MPRIP: variants seen among roughly 807,000 people sequenced by gnomAD.
MPRIP encodes the protein myosin phosphatase Rho-interacting protein.
Under a neutral mutation model 234.9 loss-of-function variants are expected in MPRIP, and 59 were observed. That is an observed-to-expected ratio of 0.25 (90% CI 0.20 to 0.31). The LOEUF is 0.31. MPRIP is among the 10% of genes least tolerant of loss of function. MPRIP has a pLI of 1.00. For missense variants in MPRIP, 2,436 were observed against 3,071.0 expected, an observed-to-expected ratio of 0.79 and a Z score of 4.89; for synonymous variants, 1,144 against 1,263.9, an observed-to-expected ratio of 0.91 and a Z score of 2.01.
At chr17:17,060,015 G>A (rs1478018993) in intron 1 of MPRIP, among the ~76,000 whole-genome samples, 1 of 152,204 alleles carries the variant, frequency 6.6e-6, no homozygotes, top group Non-Finnish European at 1.5e-5. Flanking sequence ...TGGGGTGGGT[G>A]GAGGTGGTAG....
At chr17:17,119,596 C>T (rs1451540543) in intron 3 of MPRIP, among the ~76,000 whole-genome samples, 1 of 152,184 alleles carries the variant, frequency 6.6e-6, no homozygotes, top group Non-Finnish European at 1.5e-5. Context: ...AAGCTGTCAT[C>T]AGTACCTGTA....
At position 17,102,312 on chromosome 17, in the gene MPRIP, C is replaced by T. The variant is rs1177815417; in HGVS notation, c.267+24236C>T. Among the ~76,000 whole-genome samples the T allele has an allele frequency of 2.6e-5, 4 of 152,336 alleles. No individual in the cohort carries two copies. In the East Asian group the frequency reaches 7.7e-4, roughly 29 times the overall value. On this transcript the variant is annotated intron_variant, in intron 3 of 23. Coordinates refer to ENST00000651222, the MANE Select transcript of MPRIP (RefSeq NM_001364716.4). ...ACAAGGCCCTTGCCTCTCCTTTGGC[C>T]TACATGAGCACCTGCCTTGTACTCT...
chr17:17,135,347 T>A (rs1325393652), intron 5 of MPRIP, among the ~76,000 whole-genome samples: 1 of 152,236 alleles, frequency 6.6e-6, no homozygotes, highest in Non-Finnish European at 1.5e-5. Flanking sequence ...TCTGGGCTAC[T>A]GGCTTGTATC....
chr17:17,174,242 C>T (rs2046206539), intron 19 of MPRIP, among the ~76,000 whole-genome samples, 167 bp downstream of exon 19: 1 of 152,272 alleles, frequency 6.6e-6, no homozygotes, highest in African/African-American at 2.4e-5. Flanking sequence ...TTCTCCCTGC[C>T]ACCCAGCGTG....
intron 3 of MPRIP, among the ~76,000 whole-genome samples, chr17:17,079,068 G>C (rs2089401926): frequency 6.6e-6 from 1 of 152,182 alleles, no homozygotes; most frequent in Admixed American, 6.5e-5. Flanking sequence ...ACTGCGGCAG[G>C]GGGTGGCGGG....
intron 1 of MPRIP, among the ~76,000 whole-genome samples, chr17:17,049,406 A>T (rs2088459678): frequency 6.6e-6 from 1 of 152,224 alleles, no homozygotes; most frequent in African/African-American, 2.4e-5. Flanking sequence ...CAAAATTATA[A>T]GTCAGGGACT....
At chr17:17,176,644 C>A in intron 21 of MPRIP, 132 bp downstream of exon 21, 1 of 707,882 alleles carries the variant, frequency 1.4e-6, no homozygotes, top group Non-Finnish European at 2.4e-6. Context: ...AGGAGGTTTC[C>A]AAAATCAAGC....
At chr17:17,090,035 G>A (rs967348935) in intron 3 of MPRIP, among the ~76,000 whole-genome samples, 1 of 152,212 alleles carries the variant, frequency 6.6e-6, no homozygotes, top group Admixed American at 6.5e-5. Flanking sequence ...CAACCCCAGG[G>A]GGAGGTGGGG....
In MPRIP at chr17:17,138,227, A is replaced by AG; in HGVS notation, c.1053dup (p.Arg352AlafsTer13). On this transcript the variant is annotated frameshift_variant, in exon 7 of 24. Transcript: ENST00000651222. LOFTEE classifies it high-confidence loss of function. This position sits in a 1 kb window ranked among gnomAD's most constrained non-coding sequence, Gnocchi z 5.8. Reference sequence around the variant, plus strand: ...TGCCTACGTGGACTCTGGCAGCACTAGGGGGCGGGGGACAGAGAGACTGGG... The same window carrying AG: ...TGCCTACGTGGACTCTGGCAGCACTAGGGGGGCGGGGGACAGAGAGACTGGG... The AG allele has an allele frequency of 1.5e-6, 1 of 673,520 alleles. No homozygotes were observed. The highest frequency in any genetic ancestry group is 2.4e-6 in the Non-Finnish European group (1 of 419,212). The allele number at this position is 673,520 out of a possible 1,614,324, so 41.7% of individuals were successfully genotyped here.
At chr17:17,055,657 G>A (rs755970464) in intron 1 of MPRIP, among the ~76,000 whole-genome samples, 3 of 152,140 alleles carry the variant, frequency 2.0e-5, no homozygotes, top group African/African-American at 4.8e-5. Flanking sequence ...ATGTCACCTC[G>A]GCAGACAGCC....
chr17:17,068,499 A>G (rs1008231341), intron 1 of MPRIP, among the ~76,000 whole-genome samples: 3 of 146,924 alleles, frequency 2.0e-5, no homozygotes, highest in Non-Finnish European at 4.5e-5. Flanking sequence ...TCTTTGTTTC[A>G]CTGATTTTTT....
intron 11 of MPRIP, among the ~76,000 whole-genome samples, chr17:17,147,776 G>A (rs1313740244): frequency 1.3e-5 from 2 of 152,218 alleles, no homozygotes; most frequent in Non-Finnish European, 2.9e-5. Flanking sequence ...ATGGTAAATG[G>A]AGTTGGAAGA....
chr17:17,089,507 A>G (rs972110312), intron 3 of MPRIP, among the ~76,000 whole-genome samples: 3 of 150,614 alleles, frequency 2.0e-5, no homozygotes, highest in African/African-American at 7.3e-5. Context: ...TTTTTTTGTC[A>G]CCTATCCTGG....
intron 11 of MPRIP, among the ~76,000 whole-genome samples, chr17:17,148,996 A>G (rs1171963464): frequency 1.3e-5 from 2 of 152,230 alleles, no homozygotes; most frequent in South Asian, 2.1e-4. Flanking sequence ...TTACATAATG[A>G]AATGTGTAGA....
At chr17:17,114,644 A>AG (rs572312657) in intron 3 of MPRIP, among the ~76,000 whole-genome samples, 1 of 152,184 alleles carries the variant, frequency 6.6e-6, no homozygotes, top group Non-Finnish European at 1.5e-5. Flanking sequence ...GTGGTGGGTG[A>AG]GGGGGATGAA....
chr17:17,132,464 G>A (rs1303785488), intron 5 of MPRIP, among the ~76,000 whole-genome samples: 3 of 152,158 alleles, frequency 2.0e-5, no homozygotes, highest in Admixed American at 6.5e-5. Flanking sequence ...TGTACCATAC[G>A]CTACTCTTCC....
rs1055174416 is a variant in MPRIP, at chr17:17,060,673, A to G, written c.124-15037A>G. On this transcript the variant is annotated intron_variant, in intron 1 of 23. Coordinates refer to ENST00000651222, the MANE Select transcript of MPRIP (RefSeq NM_001364716.4). ...CTGGGATGTATGTCCTCCCTGCAGA[A>G]TGCATTCCTGGCAGCTGGTGAGCAG... is the stretch of plus-strand genomic sequence containing the variant. Among the ~76,000 whole-genome samples, 4 of 152,196 alleles carry G rather than the reference A, an allele frequency of 2.6e-5. No individual in the cohort carries two copies. In the East Asian group the frequency reaches 7.7e-4, roughly 29 times the overall value.
Position 17,164,735 on chromosome 17 carries a change from C to A in MPRIP, c.3144C>A (p.Ser1048Arg), listed in dbSNP as rs1301190843. 2 of 1,301,072 alleles carry A rather than the reference C, an allele frequency of 1.5e-6. No individual in the cohort carries two copies. The highest frequency in any genetic ancestry group is 2.5e-5 in the South Asian group (2 of 80,618). The allele number at this position is 1,301,072 out of a possible 1,614,324, so 80.6% of individuals were successfully genotyped here. A position where few individuals can be genotyped will look rare whatever the true frequency, so the allele number is the denominator to read the frequency against. Residue 1048 changes from serine (S) to arginine (R), a missense_variant, in exon 16 of 24, where the codon AGC becomes AGA. This residue lies in a region of MPRIP where 1,998 missense variants were observed against 2,520.3 expected (regional missense o/e 0.79). Coordinates refer to ENST00000651222, the MANE Select transcript of MPRIP (RefSeq NM_001364716.4). ...QNLKEVEDKA[S>R]AYEDQLQGQA... ...TAAAGGAAGTGGAAGACAAGGCCAGCGCCTATGAGGACCAGCTGCAGGGTC... is the reference window on the plus strand; with the variant it reads ...TAAAGGAAGTGGAAGACAAGGCCAGAGCCTATGAGGACCAGCTGCAGGGTC...
intron 2 of MPRIP, 199 bp from the exon 3 acceptor site, chr17:17,077,812 T>C: frequency 1.7e-6 from 1 of 579,926 alleles, no homozygotes; most frequent in Non-Finnish European, 3.1e-6. Flanking sequence ...GATTTGGGCC[T>C]GTCTCCCAGC....
Sources: gnomAD v4.1 joint callset for allele counts (sites outside exome capture counted in the v4.1 genomes callset) on GRCh38, gnomAD v4.1.1 for gene constraint, gnomAD v4.1.1 regional missense constraint, Gnocchi (gnomAD v3.1) non-coding constraint, MANE v1.5 for transcripts, NCBI Gene and HGNC (gene_info 2026-07-23, HGNC 2026-07-21) for gene names.